Variants in MYO16 observed in about 807,000 individuals in gnomAD.
MYO16 encodes the protein unconventional myosin-XVI.
In MYO16, 94 loss-of-function variants were observed where a neutral mutation model predicts 205.3. The observed-to-expected ratio is 0.46, with a 90% CI of 0.39 to 0.54. The LOEUF (loss-of-function observed/expected upper bound fraction) is 0.54, where lower values mean the gene tolerates loss of function less well. Among genes scored for constraint, MYO16 ranks in the 20% least tolerant of loss-of-function variants. MYO16 has a pLI of 0.00. For missense variants in MYO16, 2,315 were observed against 2,387.5 expected, an observed-to-expected ratio of 0.97 and a Z score of 0.63; for synonymous variants, 988 against 954.0, an observed-to-expected ratio of 1.04 and a Z score of -0.66.
the MYO16 span, among the ~76,000 whole-genome samples, chr13:108,564,589 A>G: frequency 4.6e-5 from 7 of 152,014 alleles, no homozygotes; most frequent in Non-Finnish European, 8.8e-5. Context: ...ATTTTTTCTC[A>G]TTCTATGGGT....
intron 33 of MYO16, among the ~76,000 whole-genome samples, chr13:109,166,120 CA>C (rs1451610570): frequency 5.3e-5 from 8 of 152,218 alleles, no homozygotes; most frequent in Non-Finnish European, 1.0e-4. Context: ...AAATTAAAAG[CA>C]GAGACGGCAG....
At chr13:108,715,969 T>C (rs1883928859) in intron 3 of MYO16, among the ~76,000 whole-genome samples, 1 of 151,900 alleles carries the variant, frequency 6.6e-6, no homozygotes, top group African/African-American at 2.4e-5. Context: ...TGGATACTTT[T>C]CTTAGCAAGT....
intron 2 of MYO16, among the ~76,000 whole-genome samples, chr13:108,703,298 T>G (rs570151551): frequency 6.6e-6 from 1 of 152,172 alleles, no homozygotes; most frequent in Non-Finnish European, 1.5e-5. Flanking sequence ...TAACTCAACT[T>G]TAATGTAAAA....
At chr13:108,918,521 C>T (rs550887078) in intron 16 of MYO16, among the ~76,000 whole-genome samples, 1 of 152,322 alleles carries the variant, frequency 6.6e-6, no homozygotes, top group East Asian at 1.9e-4. Context: ...TCAGGCAAGG[C>T]AGGAGGCCAG....
At chr13:108,967,438 G>A (rs114072080) in intron 20 of MYO16, among the ~76,000 whole-genome samples, 124 of 152,212 alleles carry the variant, frequency 8.1e-4, no homozygotes, top group South Asian at 3.7e-3. Flanking sequence ...AGGTTGATGC[G>A]ATTAATTAAA....
chr13:109,126,984 A>G (rs988840617), intron 30 of MYO16, among the ~76,000 whole-genome samples: 2 of 152,220 alleles, frequency 1.3e-5, no homozygotes, highest in African/African-American at 4.8e-5. Flanking sequence ...TGAGTGCCTG[A>G]TGGAAAATGC....
intron 31 of MYO16, among the ~76,000 whole-genome samples, chr13:109,138,414 T>C (rs1876877165): frequency 6.6e-6 from 1 of 152,220 alleles, no homozygotes; most frequent in Non-Finnish European, 1.5e-5. Flanking sequence ...AAATTATATT[T>C]ATTTAATAAA....
chr13:108,524,994 C>CT, the MYO16 span, among the ~76,000 whole-genome samples: 23 of 152,034 alleles, frequency 1.5e-4, no homozygotes, highest in African/African-American at 5.3e-4. Flanking sequence ...ATTTTTAAAA[C>CT]TTTTTTAAAA....
chr13:108,654,529 A>G (rs116487301), intron 1 of MYO16, among the ~76,000 whole-genome samples: 379 of 152,304 alleles, frequency 2.5e-3, no homozygotes, highest in African/African-American at 8.4e-3. Flanking sequence ...CAGCAGCACG[A>G]AAATTGACTA....
chr13:108,806,956 G>T, intron 7 of MYO16, 152 bp downstream of exon 7: 1 of 527,152 alleles, frequency 1.9e-6, no homozygotes. Context: ...TATTTTTATG[G>T]TTAAAGGAAA....
chr13:108,755,429 G>A (rs898351143), intron 4 of MYO16, among the ~76,000 whole-genome samples: 1 of 151,890 alleles, frequency 6.6e-6, no homozygotes, highest in Non-Finnish European at 1.5e-5. Context: ...TACAATATTA[G>A]ATCCTTTCAC....
intron 1 of MYO16, among the ~76,000 whole-genome samples, chr13:108,631,362 C>T (rs1879973535): frequency 6.6e-6 from 1 of 152,198 alleles, no homozygotes; most frequent in African/African-American, 2.4e-5. Flanking sequence ...GGTCACCAAA[C>T]ACAATATGAG....
chr13:108,674,730 A>G (rs764634700), intron 2 of MYO16, among the ~76,000 whole-genome samples: 3 of 152,202 alleles, frequency 2.0e-5, no homozygotes, highest in Non-Finnish European at 4.4e-5. Context: ...CTCTGCAAGG[A>G]TGACTATTTC....
chr13:108,961,556 C>T lies in MYO16; in HGVS notation c.2055C>T (p.Phe685=), dbSNP rs1157565755. 8 of 1,613,714 alleles carry T rather than the reference C, an allele frequency of 5.0e-6. No homozygotes were observed. The highest frequency in any genetic ancestry group is 3.3e-5 in the Admixed American group (2 of 60,020). Residue 685 remains phenylalanine (F), a synonymous_variant, in exon 18 of 35, where the codon TTC becomes TTT. Transcript: ENST00000457511. ...ATGCATAGGAGGTGGAGAATCTGTT[C>T]GTAATTCTAGCAGCAATATTGCACC... ...GFSSLEVENL[F]VILAAILHLG...
intron 16 of MYO16, among the ~76,000 whole-genome samples, chr13:108,930,942 T>C (rs1461496209): frequency 1.3e-5 from 2 of 152,172 alleles, no homozygotes; most frequent in Non-Finnish European, 2.9e-5. Context: ...AATAGATAAA[T>C]GGAAATAGTT....
chr13:109,079,020 G>A (rs569494698), intron 27 of MYO16, among the ~76,000 whole-genome samples: 1 of 150,660 alleles, frequency 6.6e-6, no homozygotes, highest in African/African-American at 2.4e-5. Context: ...ATTCCTATCT[G>A]TGCAGCTGTC....
intron 1 of MYO16, among the ~76,000 whole-genome samples, chr13:108,617,272 T>C (rs957159375): frequency 6.6e-6 from 1 of 152,130 alleles, no homozygotes; most frequent in Non-Finnish European, 1.5e-5. Flanking sequence ...GAGCACAGAA[T>C]CTGCATTTCA....
chr13:108,852,459 C>G (rs1330578890), intron 10 of MYO16, among the ~76,000 whole-genome samples: 1 of 152,194 alleles, frequency 6.6e-6, no homozygotes, highest in Non-Finnish European at 1.5e-5. Flanking sequence ...TACATGTCCT[C>G]TCTGGGCCTT....
At chr13:108,551,624 A>G in the MYO16 span, among the ~76,000 whole-genome samples, 3 of 152,178 alleles carry the variant, frequency 2.0e-5, no homozygotes, top group Admixed American at 6.5e-5. Flanking sequence ...TCCAAACATG[A>G]TCATATTTTT....
Sources: allele counts gnomAD v4.1 joint callset (sites outside exome capture counted in the v4.1 genomes callset), GRCh38; gene constraint gnomAD v4.1.1; transcripts MANE v1.5; gene names NCBI Gene and HGNC (gene_info 2026-07-23, HGNC 2026-07-21).